Variants in RBPJ observed in about 807,000 individuals in gnomAD.
RBPJ encodes the protein recombining binding protein suppressor of hairless.
A neutral mutation model predicts 67.8 loss-of-function variants in RBPJ; 9 were observed. The ratio of observed to expected loss-of-function variants is 0.13; its 90% CI spans 0.08 to 0.23. RBPJ has a LOEUF of 0.23. Ranked by LOEUF, RBPJ falls within the 10% of genes least tolerant of loss-of-function variation. The probability of loss-of-function intolerance (pLI) is 1.00; values close to 1 mark genes in which losing one functional copy is unlikely to be tolerated. For synonymous variants in RBPJ, 198 were observed against 203.3 expected (o/e 0.97, Z 0.22); for missense variants, 305 against 595.6 (o/e 0.51, Z 5.08).
chr4:26,127,602 T>G, the RBPJ span, among the ~76,000 whole-genome samples: 1 of 152,156 alleles, frequency 6.6e-6, no homozygotes, highest in African/African-American at 2.4e-5. Context: ...TATATCAGCA[T>G]AAAGTGGGTG....
At chr4:26,243,219 A>T (rs989860696) in intron 1 of RBPJ, among the ~76,000 whole-genome samples, 2 of 152,114 alleles carry the variant, frequency 1.3e-5, no homozygotes, top group Admixed American at 1.3e-4. Flanking sequence ...AAGAGCAAAA[A>T]AACTCCGTCT....
At chr4:26,253,177 C>CTCA (rs1267538913) in intron 1 of RBPJ, among the ~76,000 whole-genome samples, 2 of 152,144 alleles carry the variant, frequency 1.3e-5, no homozygotes. Context: ...CCCGGTATTA[C>CTCA]TCATATAATC....
In RBPJ at chr4:26,430,651, C is replaced by T. The variant is rs1298489909; in HGVS notation, c.1149-41C>T. The T allele has an allele frequency of 6.3e-7, 1 of 1,597,182 alleles. No individual in the cohort carries two copies. The highest frequency in any genetic ancestry group is 8.6e-7 in the Non-Finnish European group (1 of 1,168,558). ...AGTCTCATTTTTAACATGTACTTTG[C>T]TTTTTAAAGTGTTTTTAAGTGATTT... On this transcript the variant is annotated intron_variant, in intron 10 of 10. Coordinates refer to ENST00000355476, the MANE Select transcript of RBPJ (RefSeq NM_015874.6). The surrounding 1 kb of genome is among the most constrained non-coding windows in gnomAD (Gnocchi z 4.1).
In RBPJ at chr4:26,272,799, GA is replaced by G. The variant is rs552833025; in HGVS notation, c.-166-89644del. 194 of 435,876 alleles carry G rather than the reference GA, an allele frequency of 4.5e-4. 1 individual carries two copies. Among genetic ancestry groups the G allele is most frequent in the Middle Eastern group, 3.3e-3 (10 of 2,990 alleles). 27.0% of individuals were successfully genotyped at this position (435,876 alleles called of 1,614,324 possible). A position where few individuals can be genotyped will look rare whatever the true frequency, so the allele number is the denominator to read the frequency against. On this transcript the variant is annotated intron_variant, in intron 1 of 4. Transcript: ENST00000512351. The stretch of plus-strand genomic sequence containing the variant: ...CCAGGAAGGGGGTGATGGGATGGAG[GA>G]AAGTCCTATTGGATCTGCATAATGT...
At chr4:26,161,155 C>T (rs879392799), upstream of RBPJ, among the ~76,000 whole-genome samples, 1 of 152,226 alleles carries the variant, frequency 6.6e-6, no homozygotes, top group Non-Finnish European at 1.5e-5. Flanking sequence ...TACACATTCA[C>T]TGTCTCCCAC....
intron 1 of RBPJ, among the ~76,000 whole-genome samples, chr4:26,197,618 A>G (rs1193082386): frequency 1.3e-5 from 2 of 152,126 alleles, no homozygotes; most frequent in African/African-American, 2.4e-5. Context: ...AAACCAAACA[A>G]CAACGGATGA....
intron 1 of RBPJ, among the ~76,000 whole-genome samples, chr4:26,245,371 G>A (rs547789836): frequency 6.6e-6 from 1 of 151,920 alleles, no homozygotes; most frequent in Admixed American, 6.6e-5. Flanking sequence ...ACCACATCCA[G>A]CTAAGTTTTG....
intron 1 of RBPJ, among the ~76,000 whole-genome samples, chr4:26,263,875 T>C (rs533602583): frequency 7.0e-6 from 1 of 143,614 alleles, no homozygotes; most frequent in Non-Finnish European, 1.5e-5. Context: ...CAGTCTTTTT[T>C]TTTTTTGTTT....
intron 1 of RBPJ, among the ~76,000 whole-genome samples, chr4:26,166,929 A>G (rs956754202): frequency 3.3e-5 from 5 of 152,334 alleles, no homozygotes; most frequent in Admixed American, 6.5e-5. Context: ...TCAGCTTTCT[A>G]CATATGGGTA....
intron 1 of RBPJ, among the ~76,000 whole-genome samples, chr4:26,221,325 C>T (rs1483370418): frequency 1.3e-5 from 2 of 152,142 alleles, no homozygotes; most frequent in Non-Finnish European, 2.9e-5. Context: ...CTCCTGACCT[C>T]GTGATCCACC....
intron 1 of RBPJ, chr4:26,384,642 A>G (rs1388849881): frequency 1.3e-5 from 2 of 152,190 alleles, no homozygotes; most frequent in Admixed American, 1.3e-4. Context: ...TATTCTCCAT[A>G]TACTTATTTA....
chr4:26,156,985 G>C, the RBPJ span, among the ~76,000 whole-genome samples: 1 of 151,702 alleles, frequency 6.6e-6, no homozygotes, highest in Non-Finnish European at 1.5e-5. Context: ...TGAGGTGAAA[G>C]GATCACCTGA....
chr4:26,117,341 T>C, the RBPJ span, among the ~76,000 whole-genome samples: 1,611 of 152,084 alleles, frequency 0.011, 25 homozygotes, highest in African/African-American at 0.037. Context: ...GATATCCCAT[T>C]TTACCTCCTC....
chr4:26,205,382 G>A (rs1718133738), intron 1 of RBPJ, among the ~76,000 whole-genome samples: 1 of 152,176 alleles, frequency 6.6e-6, no homozygotes, highest in South Asian at 2.1e-4. Flanking sequence ...CAATTCTGGA[G>A]TCAGGCTCCT....
chr4:26,143,645 G>A, the RBPJ span, among the ~76,000 whole-genome samples: 1 of 152,238 alleles, frequency 6.6e-6, no homozygotes, highest in African/African-American at 2.4e-5. Context: ...TTCACATTAA[G>A]GCTGGACGTG....
At chr4:26,414,245 C>T (rs924882854) in intron 3 of RBPJ, among the ~76,000 whole-genome samples, 1 of 152,096 alleles carries the variant, frequency 6.6e-6, no homozygotes, top group Middle Eastern at 3.2e-3. Flanking sequence ...TGACAGCTCA[C>T]CACAGCCTTG....
the RBPJ span, among the ~76,000 whole-genome samples, chr4:26,131,099 A>C: frequency 1.4e-4 from 21 of 152,334 alleles, no homozygotes; most frequent in East Asian, 4.0e-3. Flanking sequence ...CAACATGCCA[A>C]CTGGCCTCAG....
chr4:26,145,948 G>A, the RBPJ span, among the ~76,000 whole-genome samples: 1 of 151,786 alleles, frequency 6.6e-6, no homozygotes, highest in African/African-American at 2.4e-5. Context: ...TTGTTTGTTT[G>A]TTTTTTAGAG....
chr4:26,175,639 G>A (rs1716769837), intron 1 of RBPJ, among the ~76,000 whole-genome samples: 1 of 152,178 alleles, frequency 6.6e-6, no homozygotes, highest in Non-Finnish European at 1.5e-5. Flanking sequence ...CCCTGGGGTT[G>A]GTGTCCCCAT....
Sources: gnomAD v4.1 joint callset for allele counts (sites outside exome capture counted in the v4.1 genomes callset) on GRCh38, gnomAD v4.1.1 for gene constraint, Gnocchi (gnomAD v3.1) non-coding constraint, MANE v1.5 for transcripts, NCBI Gene and HGNC (gene_info 2026-07-23, HGNC 2026-07-21) for gene names.